Variants in RSRC1 observed in about 807,000 individuals in gnomAD.
RSRC1 encodes serine/Arginine-related protein 53.
A neutral mutation model predicts 49.1 loss-of-function variants in RSRC1; 39 were observed. That is an observed-to-expected ratio of 0.79 (90% CI 0.61 to 1.04). The LOEUF (loss-of-function observed/expected upper bound fraction) is 1.04. Ranked by LOEUF, RSRC1 falls within the 50% of genes least tolerant of loss-of-function variation. The pLI is 0.00. For missense variants in RSRC1, 388 were observed against 402.4 expected, an observed-to-expected ratio of 0.96 and a Z score of 0.31; for synonymous variants, 143 against 130.8, an observed-to-expected ratio of 1.09 and a Z score of -0.63.
rs528206645 is a variant in RSRC1 at position 158,174,092 on chromosome 3, A to G, written c.321-28980A>G. Among the ~76,000 whole-genome samples, 47 of 152,068 alleles carry G rather than the reference A, an allele frequency of 3.1e-4. No individual in the cohort carries two copies. In the South Asian group the frequency reaches 4.8e-3, roughly 15 times the overall value. On this transcript the variant is annotated intron_variant, in intron 3 of 9. Transcript: ENST00000611884. ...TTTACATATAAAATGGATGAATTTT[A>G]TGGTATGTAAAATATATCTCAACAA...
chr3:158,521,930 TGTG>T (rs1481755286), intron 7 of RSRC1, among the ~76,000 whole-genome samples: 1 of 152,246 alleles, frequency 6.6e-6, no homozygotes, highest in African/African-American at 2.4e-5. Context: ...ATCTAGCAAA[TGTG>T]GGGACTAGAA....
At chr3:158,186,005 C>A (rs186557119) in intron 3 of RSRC1, among the ~76,000 whole-genome samples, 3 of 151,598 alleles carry the variant, frequency 2.0e-5, no homozygotes, top group Non-Finnish European at 3.0e-5. Flanking sequence ...TGTTTTTTGT[C>A]GAGAATTCTT....
At chr3:158,421,367 C>T (rs1216912838) in intron 6 of RSRC1, among the ~76,000 whole-genome samples, 4 of 151,832 alleles carry the variant, frequency 2.6e-5, no homozygotes, top group Non-Finnish European at 5.9e-5. Context: ...TCTTTGAGAT[C>T]CACCTGCCTA....
chr3:158,191,767 T>A (rs1720258672), intron 3 of RSRC1, among the ~76,000 whole-genome samples: 1 of 152,028 alleles, frequency 6.6e-6, no homozygotes, highest in Non-Finnish European at 1.5e-5. Flanking sequence ...ATCTTAAATT[T>A]TAATATAGTT....
At chr3:158,196,570 T>A (rs2108270634) in intron 3 of RSRC1, among the ~76,000 whole-genome samples, 1 of 152,304 alleles carries the variant, frequency 6.6e-6, no homozygotes, top group South Asian at 2.1e-4. Context: ...GGCATCCCTG[T>A]CTTGTGCCAG....
intron 4 of RSRC1, among the ~76,000 whole-genome samples, chr3:158,216,831 A>G (rs1185564616): frequency 6.6e-6 from 1 of 151,648 alleles, no homozygotes; most frequent in African/African-American, 2.4e-5. Context: ...TTTATTTTGA[A>G]CTAAGTAAAT....
At chr3:158,437,496 A>G (rs916214775) in intron 6 of RSRC1, among the ~76,000 whole-genome samples, 2 of 152,152 alleles carry the variant, frequency 1.3e-5, no homozygotes, top group Admixed American at 6.6e-5. Flanking sequence ...CTGGGATGCA[A>G]GGCTGGTTCA....
intron 3 of RSRC1, among the ~76,000 whole-genome samples, chr3:158,124,641 G>T (rs541462369): frequency 2.6e-5 from 4 of 151,984 alleles, no homozygotes; most frequent in Middle Eastern, 3.2e-3. Context: ...TCATGATTCA[G>T]TCTTGGTAGG....
intron 5 of RSRC1, among the ~76,000 whole-genome samples, chr3:158,332,910 C>G (rs1229823647): frequency 6.6e-6 from 1 of 151,228 alleles, no homozygotes; most frequent in African/African-American, 2.4e-5. Flanking sequence ...CTACTTCCAT[C>G]ATGGATTTGG....
rs143578329 is a variant in RSRC1, at chr3:158,145,827, C to G, written c.320+21836C>G. ...TTTCGTTGAGCAGTGATTTGTAGCT[C>G]TCCTTGAAGAGGTCCTTCACATCCC... is the stretch of plus-strand genomic sequence containing the variant. On this transcript the variant is annotated intron_variant, in intron 3 of 9. Coordinates refer to ENST00000611884, the MANE Select transcript of RSRC1 (RefSeq NM_001271838.2). 8.9e-3 allele frequency among the ~76,000 whole-genome samples: 1,349 copies of G among 152,224 alleles called. 18 individuals carry two copies. The highest frequency in any genetic ancestry group is 0.031 in the African/African-American group (1,292 of 41,536).
intron 3 of RSRC1, among the ~76,000 whole-genome samples, chr3:158,197,416 C>T (rs376362985): frequency 2.2e-4 from 34 of 152,010 alleles, no homozygotes; most frequent in Admixed American, 7.9e-4. Flanking sequence ...GTCTTGGTAG[C>T]GGCCTATCAA....
intron 8 of RSRC1, among the ~76,000 whole-genome samples, chr3:158,543,013 C>A (rs1713126842): frequency 1.3e-5 from 2 of 151,904 alleles, no homozygotes; most frequent in Admixed American, 1.3e-4. Context: ...GAAAAATGTG[C>A]TTATCATAAG....
intron 4 of RSRC1, among the ~76,000 whole-genome samples, chr3:158,287,845 A>C (rs1469870338): frequency 6.6e-6 from 1 of 152,140 alleles, no homozygotes; most frequent in Admixed American, 6.5e-5. Flanking sequence ...TTTTTTCTTC[A>C]TTAGAACCAG....
Position 158,513,996 on chromosome 3 carries a change from G to C in RSRC1, c.653-23096G>C, listed in dbSNP as rs150142166. Reference sequence around the variant, plus strand: ...TTATCATTTTTTATTGCGTCTATTTGATTCTTCTCTTTTTTTCTTTATTAG... The same window carrying C: ...TTATCATTTTTTATTGCGTCTATTTCATTCTTCTCTTTTTTTCTTTATTAG... On this transcript the variant is annotated intron_variant, in intron 7 of 9. Coordinates refer to ENST00000611884, the MANE Select transcript of RSRC1 (RefSeq NM_001271838.2). Among the ~76,000 whole-genome samples, 1,499 of 152,098 alleles carry C rather than the reference G, an allele frequency of 9.9e-3. 15 individuals are homozygous for C. The highest frequency in any genetic ancestry group is 0.034 in the African/African-American group (1,428 of 41,440).
At chr3:158,177,459 G>A (rs1292501511) in intron 3 of RSRC1, among the ~76,000 whole-genome samples, 2 of 152,270 alleles carry the variant, frequency 1.3e-5, no homozygotes, top group East Asian at 3.9e-4. Flanking sequence ...ATACTATGCA[G>A]CCGTAAAAAA....
chr3:158,506,602 G>C (rs756306353), intron 7 of RSRC1, among the ~76,000 whole-genome samples: 2 of 151,678 alleles, frequency 1.3e-5, no homozygotes, highest in African/African-American at 2.4e-5. Flanking sequence ...TCAGGGAAGT[G>C]CAAATTAAAA....
At chr3:158,375,469 AG>A (rs1732312110) in intron 6 of RSRC1, among the ~76,000 whole-genome samples, 1 of 151,766 alleles carries the variant, frequency 6.6e-6, no homozygotes, top group Non-Finnish European at 1.5e-5. Context: ...CCCAAATTAC[AG>A]GCTCAAATTA....
chr3:158,200,066 C>G (rs920955762), intron 3 of RSRC1, among the ~76,000 whole-genome samples: 13 of 151,950 alleles, frequency 8.6e-5, no homozygotes, highest in African/African-American at 2.9e-4. Flanking sequence ...GAGACGGAGT[C>G]TTGTTCTGTC....
At chr3:158,366,633 CT>C (rs375651682) in intron 6 of RSRC1, among the ~76,000 whole-genome samples, 5 of 151,894 alleles carry the variant, frequency 3.3e-5, no homozygotes, top group African/African-American at 1.2e-4. Flanking sequence ...TATATGGGCT[CT>C]TTTTTTTGTT....
Sources: allele counts gnomAD v4.1 joint callset (sites outside exome capture counted in the v4.1 genomes callset), GRCh38; gene constraint gnomAD v4.1.1; transcripts MANE v1.5; gene names NCBI Gene and HGNC (gene_info 2026-07-23, HGNC 2026-07-21).